ADAMTS2: variants seen among roughly 807,000 people sequenced by gnomAD.
The protein encoded by ADAMTS2 is A disintegrin and metalloproteinase with thrombospondin motifs 2.
Under a neutral mutation model 123.0 loss-of-function variants are expected in ADAMTS2, and 50 were observed. The observed-to-expected ratio is 0.41, with a 90% CI of 0.32 to 0.51. The LOEUF is 0.51. Among genes scored for constraint, ADAMTS2 ranks in the 20% least tolerant of loss-of-function variants. The probability of loss-of-function intolerance (pLI) is 0.35; values close to 1 mark genes in which losing one functional copy is unlikely to be tolerated. For missense variants in ADAMTS2, 1,494 were observed against 1,705.2 expected (o/e 0.88, Z 2.18); for synonymous variants, 678 against 695.4 (o/e 0.98, Z 0.39).
intron 12 of ADAMTS2, 127 bp downstream of exon 12, chr5:179,137,642 G>C: frequency 1.5e-6 from 2 of 1,299,504 alleles, no homozygotes; most frequent in Non-Finnish European, 2.1e-6. Flanking sequence ...CAGCCAGGGT[G>C]GGCTCTCCTG....
intron 4 of ADAMTS2, among the ~76,000 whole-genome samples, chr5:179,194,193 G>A (rs1764367533): frequency 6.6e-6 from 1 of 151,896 alleles, no homozygotes; most frequent in Non-Finnish European, 1.5e-5. Context: ...AGGAGGTGGG[G>A]AGATGTCCAC....
intron 5 of ADAMTS2, among the ~76,000 whole-genome samples, chr5:179,173,893 A>G (rs1443953285): frequency 6.6e-6 from 1 of 151,904 alleles, no homozygotes; most frequent in African/African-American, 2.4e-5. Flanking sequence ...GGTGCCTGTA[A>G]TCCCAGCTAC....
At chr5:179,259,927 C>T (rs173104) in intron 3 of ADAMTS2, among the ~76,000 whole-genome samples, 60,952 of 152,024 alleles carry the variant, frequency 0.4, 13,231 homozygotes, top group East Asian at 0.91. Context: ...ACAGCACTGG[C>T]CACTTGATTT....
At chr5:179,223,643 C>T (rs1431957352) in intron 3 of ADAMTS2, among the ~76,000 whole-genome samples, 1 of 92,558 alleles carries the variant, frequency 1.1e-5, no homozygotes, top group Non-Finnish European at 2.5e-5. Context: ...AATGCACACA[C>T]ACATACACTC....
chr5:179,129,941 G>A lies in ADAMTS2; in HGVS notation c.2448C>T (p.Ile816=). 4.3e-6 allele frequency: 7 copies of A among 1,613,948 alleles called. No individual in the cohort carries two copies. Among genetic ancestry groups the A allele is most frequent in the Non-Finnish European group, 5.9e-6 (7 of 1,180,034 alleles). The change falls in exon 16 of 22, where the codon ATC becomes ATT. Residue 816 remains isoleucine (I), a synonymous_variant. Transcript: ENST00000251582. The surrounding 1 kb of genome is among the most constrained non-coding windows in gnomAD (Gnocchi z 4.1). ...LQTMGPLHGT[I]TVLVIPVGDT... is the part of the protein sequence containing the mutation. ...CCCTGCTTGGACTCACCAGAACGGT[G>A]ATGGTGCCGTGGAGGGGGCCCATGG...
At chr5:179,287,259 C>T (rs1464984310) in intron 2 of ADAMTS2, among the ~76,000 whole-genome samples, 1 of 152,230 alleles carries the variant, frequency 6.6e-6, no homozygotes, top group Non-Finnish European at 1.5e-5. Flanking sequence ...TAGGAGCCCG[C>T]CCAGGGCTGG....
rs1764600926 is a variant in ADAMTS2 at position 179,202,850 on chromosome 5, C to T, written c.891+4663G>A. 6.6e-6 allele frequency among the ~76,000 whole-genome samples: 1 copy of T among 152,198 alleles called. No homozygotes were observed. The highest frequency in any genetic ancestry group is 2.4e-5 in the African/African-American group (1 of 41,444). On this transcript the variant is annotated intron_variant, in intron 4 of 21. Transcript: ENST00000251582. This position sits in a 1 kb window ranked among gnomAD's most constrained non-coding sequence, Gnocchi z 4.0. ...AGACAGAGATGGAGGGGACTCCAAG[C>T]TCTTACCAGCCTTGGTCCACAGGTG...
intron 2 of ADAMTS2, among the ~76,000 whole-genome samples, chr5:179,289,213 G>A (rs1455553701): frequency 6.6e-6 from 1 of 152,190 alleles, no homozygotes; most frequent in African/African-American, 2.4e-5. Context: ...GAACGATGGA[G>A]GAGGCAGCTG....
chr5:179,279,457 C>G (rs1046852062), intron 2 of ADAMTS2, among the ~76,000 whole-genome samples: 8 of 152,228 alleles, frequency 5.3e-5, no homozygotes, highest in Non-Finnish European at 1.0e-4. Context: ...TGGTAATGAA[C>G]CTGGGAGATC....
At chr5:179,206,329 C>T (rs1468041178) in intron 4 of ADAMTS2, among the ~76,000 whole-genome samples, 3 of 152,124 alleles carry the variant, frequency 2.0e-5, no homozygotes, top group Admixed American at 2.0e-4. Flanking sequence ...GGACTCTGAC[C>T]CATGTGTCAG....
rs1364746369 is a variant in ADAMTS2, at chr5:179,189,776, G to A, written c.892-8621C>T. On this transcript the variant is annotated intron_variant, in intron 4 of 21. Transcript: ENST00000251582. The surrounding 1 kb of genome is among the most constrained non-coding windows in gnomAD (Gnocchi z 4.2). ...ACAATATTACAAAGTATCTTCTTAAGGATGGGGGTGGGGAAGAATATTACT... is the reference window on the plus strand; with the variant it reads ...ACAATATTACAAAGTATCTTCTTAAAGATGGGGGTGGGGAAGAATATTACT... 1.3e-5 allele frequency among the ~76,000 whole-genome samples: 2 copies of A among 150,416 alleles called. No individual in the cohort carries two copies. Among genetic ancestry groups the A allele is most frequent in the Admixed American group, 1.3e-4 (2 of 15,056 alleles).
intron 5 of ADAMTS2, among the ~76,000 whole-genome samples, chr5:179,174,613 C>T (rs187062732): frequency 8.5e-5 from 13 of 152,226 alleles, no homozygotes; most frequent in East Asian, 5.8e-4. Context: ...GTGTTTATCA[C>T]GGTAGGTTAT....
chr5:179,277,257 C>T lies in ADAMTS2; in HGVS notation c.535-4193G>A, dbSNP rs918672048. On this transcript the variant is annotated intron_variant, in intron 2 of 21. Coordinates refer to ENST00000251582, the MANE Select transcript of ADAMTS2 (RefSeq NM_014244.5). ...CCGCCCGTCTCTGTTGACCACCGTG[C>T]GATGCGCACAACGCATGCTGGACGA... Among the ~76,000 whole-genome samples, 15 of 152,190 alleles carry T rather than the reference C, an allele frequency of 9.9e-5. No individual in the cohort carries two copies. The South Asian group carries it at 1.5e-3, about 15-fold the overall frequency.
At chr5:179,253,485 A>C (rs1246166704) in intron 3 of ADAMTS2, among the ~76,000 whole-genome samples, 1 of 152,134 alleles carries the variant, frequency 6.6e-6, no homozygotes. Context: ...CTCTACAAAA[A>C]ATACAAAAAA....
At chr5:179,244,157 G>A (rs936246050) in intron 3 of ADAMTS2, among the ~76,000 whole-genome samples, 9 of 152,058 alleles carry the variant, frequency 5.9e-5, no homozygotes, top group Middle Eastern at 3.2e-3. Context: ...ATTAACCTAC[G>A]TGTCCGAGAA....
rs2303639 is a variant in ADAMTS2, at chr5:179,138,000, C to T, written c.1776-56G>A. On this transcript the variant is annotated intron_variant, in intron 11 of 21. Transcript: ENST00000251582. ...CGTGCCATTGGAAAGAGGCAGCACC[C>T]GGGTGCCCTTGTGAGATCTTTTTAG... The T allele has an allele frequency of 0.23, 353,374 of 1,531,398 alleles. 43,509 individuals are homozygous for T. Among genetic ancestry groups the T allele is most frequent in the Non-Finnish European group, 0.25 (290,919 of 1,141,960 alleles). The allele number at this position is 1,531,398 out of a possible 1,614,324, so 94.9% of individuals were successfully genotyped here.
chr5:179,132,266 G>A lies in ADAMTS2; in HGVS notation c.2254C>T (p.Leu752Phe), dbSNP rs1188350128. The change falls in exon 15 of 22, where the codon CTC becomes TTC. Residue 752 changes from leucine to phenylalanine, a missense_variant. By Grantham distance (22) the Leu-to-Phe change is conservative. Transcript: ENST00000251582. This position sits in a 1 kb window ranked among gnomAD's most constrained non-coding sequence, Gnocchi z 6.1. ...FEIPAGARHL[L>F]IQEVDATSHH... ...CTGGTGGCGTCTACCTCCTGAATGA[G>A]CAGGTGTCTGGCTCCTGCAGGGATC... 4.3e-6 allele frequency: 7 copies of A among 1,614,102 alleles called. No homozygotes were observed. In the South Asian group the frequency reaches 5.5e-5, roughly 13 times the overall value.
intron 3 of ADAMTS2, among the ~76,000 whole-genome samples, chr5:179,253,307 G>T (rs1225240699): frequency 6.6e-6 from 1 of 152,024 alleles, no homozygotes; most frequent in African/African-American, 2.4e-5. Flanking sequence ...AATTTGTCTT[G>T]GTTTTTCTGT....
intron 2 of ADAMTS2, among the ~76,000 whole-genome samples, chr5:179,336,333 C>T (rs1372546740): frequency 6.6e-6 from 1 of 152,236 alleles, no homozygotes; most frequent in Non-Finnish European, 1.5e-5. Context: ...GAGGCAAATA[C>T]CTATCCCTGG....
Sources: gnomAD v4.1 joint callset for allele counts (sites outside exome capture counted in the v4.1 genomes callset) on GRCh38, gnomAD v4.1.1 for gene constraint, Gnocchi (gnomAD v3.1) non-coding constraint, MANE v1.5 for transcripts, NCBI Gene and HGNC (gene_info 2026-07-23, HGNC 2026-07-21) for gene names.